Variants in PAK3 observed in about 807,000 individuals in gnomAD.
PAK3 encodes the protein p21 (RAC1) activated kinase 3.
PAK3 carries 4 observed loss-of-function variants against 41.0 expected under a neutral mutation model. That is an observed-to-expected ratio of 0.10 (90% confidence interval 0.05 to 0.22). PAK3 has a LOEUF of 0.22. Among genes scored for constraint, PAK3 ranks in the 10% least tolerant of loss-of-function variants. The pLI is 1.00. For synonymous variants in PAK3, 146 were observed against 139.6 expected (o/e 1.05, Z -0.32); for missense variants, 205 against 409.9 (o/e 0.50, Z 4.32).
At chrX:111,205,041 C>T (rs749520137) in intron 16 of PAK3, among the ~76,000 whole-genome samples, 7 of 103,233 alleles carry the variant, frequency 6.8e-5, no homozygotes, top group Non-Finnish European at 1.4e-4. Flanking sequence ...TCGCATTATG[C>T]GGGTTAAAGA....
intron 16 of PAK3, among the ~76,000 whole-genome samples, chrX:111,212,528 G>A (rs1296826878): frequency 9.0e-6 from 1 of 111,572 alleles, no homozygotes; most frequent in East Asian, 2.8e-4. Context: ...AGGTTCCCAG[G>A]CCAGTCCACA....
intron 1 of PAK3, among the ~76,000 whole-genome samples, 190 bp from the exon 2 acceptor site, chrX:111,097,200 C>G: frequency 1.0e-5 from 1 of 99,022 alleles, no homozygotes; most frequent in African/African-American, 3.8e-5. Context: ...TGAACTGGCT[C>G]TGGCAAGATT....
intron 10 of PAK3, among the ~76,000 whole-genome samples, chrX:111,164,410 C>A (rs1057095250): frequency 9.1e-6 from 1 of 109,323 alleles, no homozygotes; most frequent in African/African-American, 3.3e-5. Context: ...GCAATAAGTG[C>A]CCCCCCCAAC....
At chrX:111,167,981 C>G (rs1395704566) in intron 10 of PAK3, among the ~76,000 whole-genome samples, 2 of 111,335 alleles carry the variant, frequency 1.8e-5, no homozygotes, top group African/African-American at 6.5e-5. Context: ...CTGGGCCCCA[C>G]TATCACCTAC....
chrX:111,219,801 G>A (rs1334727345), intron 17 of PAK3, among the ~76,000 whole-genome samples: 1 of 111,421 alleles, frequency 9.0e-6, no homozygotes, highest in Non-Finnish European at 1.9e-5. Flanking sequence ...AACCAGGGAA[G>A]AAAATGGAGC....
In PAK3 at chrX:111,173,197, A is replaced by C. The variant is rs2094366317; in HGVS notation, c.830+116A>C. 1.0e-5 allele frequency: 5 copies of C among 491,456 alleles called. No individual in the cohort carries two copies. The Admixed American group carries it at 1.5e-4, about 15-fold the overall frequency. The allele number at this position is 491,456 out of a possible 1,213,427, so 40.5% of individuals were successfully genotyped here. A position where few individuals can be genotyped will look rare whatever the true frequency, so the allele number is the denominator to read the frequency against. On this transcript the variant is annotated intron_variant, in intron 11 of 17. Coordinates refer to ENST00000372007, the MANE Select transcript of PAK3 (RefSeq NM_002578.5). ...TTATGCTTCTCATTTCCTAGATTAT[A>C]TTTATGTCTTGCATTCTCAGTATTG...
At chrX:111,197,249 C>T (rs2094626181) in intron 16 of PAK3, among the ~76,000 whole-genome samples, 1 of 112,072 alleles carries the variant, frequency 8.9e-6, no homozygotes, top group Non-Finnish European at 1.9e-5. Context: ...CTGTAAAGGA[C>T]ATGATTTCAT....
At chrX:111,209,685 A>G (rs897309013) in intron 16 of PAK3, among the ~76,000 whole-genome samples, 34 of 112,245 alleles carry the variant, frequency 3.0e-4, no homozygotes, top group Non-Finnish European at 4.5e-4. Flanking sequence ...CATGGTTGCT[A>G]ACACGTTTCC....
chrX:111,043,829 C>T (rs1356788306), intron 1 of PAK3, among the ~76,000 whole-genome samples: 1 of 111,247 alleles, frequency 9.0e-6, no homozygotes, highest in East Asian at 2.8e-4. Context: ...GACTTCTCAC[C>T]TTCTATTGGA....
chrX:111,090,761 C>T (rs748276660), intron 1 of PAK3, among the ~76,000 whole-genome samples: 2 of 111,848 alleles, frequency 1.8e-5, no homozygotes, highest in African/African-American at 3.3e-5. Flanking sequence ...ATAGTCCAGC[C>T]GGTCCAAAAA....
chrX:111,080,726 G>T (rs906792574), intron 1 of PAK3, among the ~76,000 whole-genome samples: 4 of 111,840 alleles, frequency 3.6e-5, no homozygotes, highest in Admixed American at 9.5e-5. Flanking sequence ...AACCATCCCA[G>T]TACTGGGTAT....
At chrX:110,969,857 T>C (rs923201819) in intron 1 of PAK3, among the ~76,000 whole-genome samples, 9 of 112,238 alleles carry the variant, frequency 8.0e-5, no homozygotes, top group Admixed American at 2.8e-4. Flanking sequence ...ATATTGTCTA[T>C]AGCCAAAAAT....
At chrX:111,211,264 C>T (rs2094816024) in intron 16 of PAK3, among the ~76,000 whole-genome samples, 1 of 110,582 alleles carries the variant, frequency 9.0e-6, no homozygotes, top group Non-Finnish European at 1.9e-5. Flanking sequence ...TACAGGACTG[C>T]CTAAGGAATC....
intron 1 of PAK3, among the ~76,000 whole-genome samples, chrX:110,979,042 A>G (rs2148651343): frequency 9.0e-6 from 1 of 111,390 alleles, no homozygotes; most frequent in East Asian, 2.8e-4. Context: ...ATATTGGCTG[A>G]TTTGTGATGC....
At chrX:111,169,597 A>AAT (rs2094309708) in intron 10 of PAK3, among the ~76,000 whole-genome samples, 1 of 111,680 alleles carries the variant, frequency 9.0e-6, no homozygotes, top group South Asian at 3.8e-4. Flanking sequence ...GGGAACATCT[A>AAT]AGCTAAGTTT....
chrX:111,041,091 G>T (rs959473433), intron 1 of PAK3, among the ~76,000 whole-genome samples: 3 of 112,668 alleles, frequency 2.7e-5, no homozygotes, highest in Admixed American at 9.4e-5. Context: ...CCTGGCTGAC[G>T]CATTTGCCAC....
chrX:111,170,105 A>G (rs1603343798), intron 10 of PAK3, among the ~76,000 whole-genome samples: 1 of 110,987 alleles, frequency 9.0e-6, no homozygotes, highest in East Asian at 2.9e-4. Flanking sequence ...TGGGAGCCCA[A>G]CTAAAGCAGT....
chrX:111,073,895 A>C (rs1405039651), intron 1 of PAK3, among the ~76,000 whole-genome samples: 1 of 112,083 alleles, frequency 8.9e-6, no homozygotes, highest in Admixed American at 9.5e-5. Flanking sequence ...ACAAAGACAT[A>C]ACAACAATAA....
chrX:110,977,299 A>C (rs2091357862), intron 1 of PAK3, among the ~76,000 whole-genome samples: 1 of 110,863 alleles, frequency 9.0e-6, no homozygotes, highest in Non-Finnish European at 1.9e-5. Flanking sequence ...CTTTGTAGTA[A>C]GTTTTAATAT....
Sources: allele counts gnomAD v4.1 joint callset (sites outside exome capture counted in the v4.1 genomes callset), GRCh38; gene constraint gnomAD v4.1.1; transcripts MANE v1.5; gene names NCBI Gene and HGNC (gene_info 2026-07-23, HGNC 2026-07-21).